PHF14: variants seen among roughly 807,000 people sequenced by gnomAD.
PHF14 encodes the protein PHD finger protein 14.
PHF14 carries 55 observed loss-of-function variants against 117.9 expected under a neutral mutation model. The observed-to-expected ratio is 0.47, with a 90% CI of 0.38 to 0.58. The LOEUF (loss-of-function observed/expected upper bound fraction) is 0.58. Among genes scored for constraint, PHF14 ranks in the 20% least tolerant of loss-of-function variants. The probability of loss-of-function intolerance (pLI) is 0.00; values close to 1 mark genes in which losing one functional copy is unlikely to be tolerated. For missense variants in PHF14, 978 were observed against 1,122.2 expected (o/e 0.87, Z 1.84); for synonymous variants, 409 against 368.6 (o/e 1.11, Z -1.26).
chr7:11,104,297 A>T (rs558127411), intron 16 of PHF14: 68 of 983,280 alleles, frequency 6.9e-5, no homozygotes, highest in Admixed American at 1.9e-4. Context: ...TGTTATACAT[A>T]TAGACTGCAA....
At chr7:11,012,322 A>C (rs1042301056) in intron 4 of PHF14, among the ~76,000 whole-genome samples, 4 of 152,180 alleles carry the variant, frequency 2.6e-5, no homozygotes, top group Non-Finnish European at 5.9e-5. Context: ...TACCTAGGGA[A>C]TTGGTTCCAG....
intron 4 of PHF14, among the ~76,000 whole-genome samples, chr7:10,992,090 C>T (rs1395214217): frequency 2.0e-5 from 3 of 151,666 alleles, no homozygotes; most frequent in Non-Finnish European, 4.4e-5. Flanking sequence ...GAGTCTTGCT[C>T]TTGTCCAGGC....
chr7:11,001,096 T>G (rs983890622), intron 4 of PHF14, among the ~76,000 whole-genome samples: 2 of 152,186 alleles, frequency 1.3e-5, no homozygotes, highest in Non-Finnish European at 2.9e-5. Context: ...TGTCTCGGAA[T>G]TCATTATTTT....
chr7:11,115,005 C>T (rs1018917854), intron 17 of PHF14, among the ~76,000 whole-genome samples: 4 of 151,914 alleles, frequency 2.6e-5, no homozygotes, highest in Non-Finnish European at 5.9e-5. Flanking sequence ...TTTCTTCTTT[C>T]TTAACCTCAA....
chr7:10,995,492 C>T (rs1782606466), intron 4 of PHF14, among the ~76,000 whole-genome samples: 1 of 152,248 alleles, frequency 6.6e-6, no homozygotes, highest in Admixed American at 6.5e-5. Context: ...TGGCTTCACC[C>T]AGTGGATCCC....
chr7:11,023,388 G>A (rs1271455419), intron 6 of PHF14, among the ~76,000 whole-genome samples: 1 of 152,104 alleles, frequency 6.6e-6, no homozygotes, highest in Non-Finnish European at 1.5e-5. Context: ...ATTGTTTTGG[G>A]GCGTGCCGTT....
intron 16 of PHF14, among the ~76,000 whole-genome samples, chr7:11,083,413 G>A (rs995011005): frequency 1.3e-5 from 2 of 150,694 alleles, no homozygotes; most frequent in East Asian, 1.9e-4. Context: ...CCGTATCATC[G>A]TGACTGGAAA....
intron 16 of PHF14, among the ~76,000 whole-genome samples, chr7:11,082,593 A>G (rs907608056): frequency 3.3e-5 from 5 of 152,204 alleles, no homozygotes; most frequent in African/African-American, 1.2e-4. Context: ...TTTAATGACA[A>G]TGAATTGTTG....
intron 17 of PHF14, among the ~76,000 whole-genome samples, chr7:11,126,145 G>A (rs1212919787): frequency 6.6e-6 from 1 of 152,054 alleles, no homozygotes; most frequent in Non-Finnish European, 1.5e-5. Context: ...TTTTTCCAAA[G>A]CACAGATGTA....
At position 11,013,739 on chromosome 7, in the gene PHF14, T is replaced by A; in HGVS notation, c.1046-8T>A. ...CCTATTTAATCATAGTGTTTTTGTT[T>A]TTTTTAGGTTGTTATGGAGTTGATG... On this transcript the variant is annotated splice_polypyrimidine_tract_variant and splice_region_variant and intron_variant, in intron 4 of 17. Transcript: ENST00000634607. The A allele has an allele frequency of 6.7e-7, 1 of 1,497,506 alleles. No homozygotes were observed. Among genetic ancestry groups the A allele is most frequent in the Non-Finnish European group, 9.1e-7 (1 of 1,103,294 alleles). The allele number at this position is 1,497,506 out of a possible 1,614,324, so 92.8% of individuals were successfully genotyped here.
At chr7:11,123,739 C>T (rs1164647290) in intron 17 of PHF14, among the ~76,000 whole-genome samples, 1 of 151,946 alleles carries the variant, frequency 6.6e-6, no homozygotes. Flanking sequence ...GAGATCACAC[C>T]ACTACACTCC....
intron 16 of PHF14, among the ~76,000 whole-genome samples, chr7:11,101,839 G>A (rs1402385920): frequency 1.3e-5 from 2 of 151,742 alleles, no homozygotes; most frequent in Non-Finnish European, 1.5e-5. Flanking sequence ...AACTTTTTAT[G>A]TTTACCCCAG....
chr7:11,078,908 A>AG (rs1240270384), intron 16 of PHF14, among the ~76,000 whole-genome samples: 2 of 152,164 alleles, frequency 1.3e-5, no homozygotes, highest in African/African-American at 4.8e-5. Flanking sequence ...TAAAATATGT[A>AG]GATTAATATG....
At chr7:10,995,465 A>G (rs1782604910) in intron 4 of PHF14, among the ~76,000 whole-genome samples, 1 of 152,242 alleles carries the variant, frequency 6.6e-6, no homozygotes, top group African/African-American at 2.4e-5. Flanking sequence ...AGTCCCCACT[A>G]GACTCGGGAG....
chr7:11,088,126 A>C (rs1786490496), intron 16 of PHF14, among the ~76,000 whole-genome samples: 1 of 152,150 alleles, frequency 6.6e-6, no homozygotes, highest in Admixed American at 6.5e-5. Flanking sequence ...CCCTTATGTA[A>C]AATGCCATCA....
chr7:11,142,365 C>T (rs977923663), intron 17 of PHF14, among the ~76,000 whole-genome samples: 1 of 151,906 alleles, frequency 6.6e-6, no homozygotes, highest in Admixed American at 6.6e-5. Context: ...GCATCATGTG[C>T]CTGTTCTGTT....
intron 17 of PHF14, among the ~76,000 whole-genome samples, chr7:11,167,233 CT>C (rs1789228490): frequency 6.6e-6 from 1 of 152,110 alleles, no homozygotes; most frequent in Non-Finnish European, 1.5e-5. Flanking sequence ...ACTTAGTAGA[CT>C]GTCCGTGTGA....
intron 16 of PHF14, chr7:11,063,858 A>C (rs961387899): frequency 1.3e-5 from 3 of 225,120 alleles, no homozygotes; most frequent in African/African-American, 7.0e-5. Flanking sequence ...TTCTGTTATG[A>C]AATTTTTATT....
At chr7:11,150,279 ATTG>A (rs1051698898) in intron 17 of PHF14, among the ~76,000 whole-genome samples, 1 of 152,158 alleles carries the variant, frequency 6.6e-6, no homozygotes, top group African/African-American at 2.4e-5. Flanking sequence ...AGTTATGGTT[ATTG>A]TTGTGCAGGA....
Sources: gnomAD v4.1 joint callset for allele counts (sites outside exome capture counted in the v4.1 genomes callset) on GRCh38, gnomAD v4.1.1 for gene constraint, MANE v1.5 for transcripts, NCBI Gene and HGNC (gene_info 2026-07-23, HGNC 2026-07-21) for gene names.